The following PIK3CA variants were observed in gnomAD, a reference collection of about 807,000 sequenced individuals.
PIK3CA encodes phosphatidylinositol-4,5-bisphosphate 3-kinase catalytic subunit alpha, also known as phosphatidylinositol 4,5-bisphosphate 3-kinase catalytic subunit alpha isoform.
A neutral mutation model predicts 138.2 loss-of-function variants in PIK3CA; 27 were observed. That is an observed-to-expected ratio of 0.20 (90% CI 0.14 to 0.27). PIK3CA has a LOEUF of 0.27. PIK3CA is among the 10% of genes least tolerant of loss of function. The pLI, the probability that PIK3CA is intolerant of heterozygous loss-of-function variation, is 1.00. For synonymous variants in PIK3CA, 358 were observed against 413.2 expected, an observed-to-expected ratio of 0.87 and a Z score of 1.62; for missense variants, 544 against 1,277.4, an observed-to-expected ratio of 0.43 and a Z score of 8.75.
rs192514335 is a variant in PIK3CA, at chr3:179,239,388, C to G, written c.*5024C>G. On this transcript the variant is annotated 3_prime_UTR_variant, in exon 21 of 21. Coordinates refer to ENST00000263967, the MANE Select transcript of PIK3CA (RefSeq NM_006218.4). ...TGTTTCATATTAAAATATAATTAGA[C>G]TAAACTTAATTCTAGTATGAATTTC... 4.3e-4 allele frequency: 85 copies of G among 196,350 alleles called. 2 individuals are homozygous for G. In the Middle Eastern group the frequency reaches 5.4e-3, roughly 12 times the overall value. 12.2% of individuals were successfully genotyped at this position (196,350 alleles called of 1,614,324 possible).
intron 4 of PIK3CA, among the ~76,000 whole-genome samples, chr3:179,202,365 C>T (rs989624784): frequency 2.6e-5 from 4 of 152,206 alleles, no homozygotes; most frequent in South Asian, 4.1e-4. Context: ...CCATTGCGCC[C>T]AGCCTATTTC....
chr3:179,191,587 C>G (rs1326333792), intron 1 of PIK3CA, among the ~76,000 whole-genome samples: 1 of 152,126 alleles, frequency 6.6e-6, no homozygotes, highest in African/African-American at 2.4e-5. Context: ...CTTTTTAATG[C>G]AGGTACAATA....
intron 9 of PIK3CA, among the ~76,000 whole-genome samples, chr3:179,216,403 T>C (rs1266437119): frequency 2.6e-5 from 4 of 152,150 alleles, no homozygotes; most frequent in Non-Finnish European, 5.9e-5. Context: ...TTTTTTTAAA[T>C]TTTCTTGAAC....
At chr3:179,229,745 G>A (rs1417012096) in intron 18 of PIK3CA, among the ~76,000 whole-genome samples, 1 of 152,006 alleles carries the variant, frequency 6.6e-6, no homozygotes, top group Non-Finnish European at 1.5e-5. Context: ...TTGTTAAAAT[G>A]ATTAGAAAAA....
At chr3:179,165,920 TCA>T (rs2108358482) in intron 1 of PIK3CA, among the ~76,000 whole-genome samples, 1 of 152,314 alleles carries the variant, frequency 6.6e-6, no homozygotes, top group South Asian at 2.1e-4. Context: ...ATTCCCAGAC[TCA>T]CTCTCCTAGA....
Position 179,168,713 on chromosome 3 carries a change from G to T in PIK3CA, c.-77+20110G>T, listed in dbSNP as rs543011013. 1.5e-3 allele frequency among the ~76,000 whole-genome samples: 225 copies of T among 152,172 alleles called. 1 individual carries two copies. The highest frequency in any genetic ancestry group is 0.01 in the Middle Eastern group (3 of 294). On this transcript the variant is annotated intron_variant, in intron 1 of 20. Transcript: ENST00000263967. ...TTTTTTAAATTTTGCAAATATAGGT[G>T]AAATGTTATATCCTTATGATTTTAT...
At chr3:179,167,759 T>C (rs1723455893) in intron 1 of PIK3CA, among the ~76,000 whole-genome samples, 1 of 152,176 alleles carries the variant, frequency 6.6e-6, no homozygotes, top group Non-Finnish European at 1.5e-5. Flanking sequence ...TTCTTTGCAT[T>C]CAGATCATAT....
intron 1 of PIK3CA, among the ~76,000 whole-genome samples, chr3:179,186,035 C>T (rs1220699485): frequency 6.6e-6 from 1 of 152,270 alleles, no homozygotes; most frequent in South Asian, 2.1e-4. Context: ...ACTAAAAGCC[C>T]CAGTTCTTTA....
At chr3:179,192,960 A>G (rs1724171780) in intron 1 of PIK3CA, among the ~76,000 whole-genome samples, 1 of 152,250 alleles carries the variant, frequency 6.6e-6, no homozygotes, top group Non-Finnish European at 1.5e-5. Flanking sequence ...GAATTGCCCA[A>G]TGAATTAAGA....
At chr3:179,196,861 T>C (rs1479173512) in intron 1 of PIK3CA, among the ~76,000 whole-genome samples, 4 of 152,134 alleles carry the variant, frequency 2.6e-5, no homozygotes, top group South Asian at 2.1e-4. Context: ...ACAAGAAATA[T>C]TGATGGCCGG....
Position 179,235,780 on chromosome 3 carries a change from C to T in PIK3CA, c.*1416C>T. 1 of 212,948 alleles carries T rather than the reference C, an allele frequency of 4.7e-6. No homozygotes were observed. Among genetic ancestry groups the T allele is most frequent in the Non-Finnish European group, 9.5e-6 (1 of 105,130 alleles). The allele number at this position is 212,948 out of a possible 1,614,324, so 13.2% of individuals were successfully genotyped here. A position where few individuals can be genotyped will look rare whatever the true frequency, so the allele number is the denominator to read the frequency against. ...AACCATTTTAAGATATGTCTCATTC[C>T]CAAGTAGTCAGAGCTCACTCTCCAA... On this transcript the variant is annotated 3_prime_UTR_variant, in exon 21 of 21. Transcript: ENST00000263967.
chr3:179,220,994 T>C lies in PIK3CA; in HGVS notation c.2024T>C (p.Met675Thr), dbSNP rs1476951881. The C allele has an allele frequency of 6.2e-7, 1 of 1,610,150 alleles. No homozygotes were observed. The highest frequency in any genetic ancestry group is 1.7e-5 in the Admixed American group (1 of 59,706). The change falls in exon 14 of 21, where the codon ATG (methionine) becomes ACG (threonine). Residue 675 changes from methionine (M) to threonine (T), a missense_variant. Met to Thr is a moderately conservative substitution (Grantham distance 81). Coordinates refer to ENST00000263967, the MANE Select transcript of PIK3CA (RefSeq NM_006218.4). The surrounding 1 kb of genome is among the most constrained non-coding windows in gnomAD (Gnocchi z 4.1). ...HFFFWHLKSE[M>T]HNKTVSQRFG... ...TTGCACGATTCTTTTAGATCTGAGA[T>C]GCACAATAAAACAGTTAGCCAGAGG...
Position 179,235,113 on chromosome 3 carries a change from C to G in PIK3CA, c.*749C>G, listed in dbSNP as rs1448395981. ...TTATTTCCCAGGGAAATTCTGGGCT[C>G]CCACAAAGTAAAAAAAAAAAAAAAT... On this transcript the variant is annotated 3_prime_UTR_variant, in exon 21 of 21. Transcript: ENST00000263967. 1 of 186,398 alleles carries G rather than the reference C, an allele frequency of 5.4e-6. No individual in the cohort carries two copies. The highest frequency in any genetic ancestry group is 2.4e-5 in the African/African-American group (1 of 41,256). The allele number at this position is 186,398 out of a possible 1,614,324, so 11.5% of individuals were successfully genotyped here. A position where few individuals can be genotyped will look rare whatever the true frequency, so the allele number is the denominator to read the frequency against.
chr3:179,198,824 C>T lies in PIK3CA; in HGVS notation c.-2C>T, dbSNP rs201907009. The T allele has an allele frequency of 2.7e-6, 4 of 1,504,408 alleles. No homozygotes were observed. Among genetic ancestry groups the T allele is most frequent in the Non-Finnish European group, 3.6e-6 (4 of 1,121,410 alleles). 93.2% of individuals were successfully genotyped at this position (1,504,408 alleles called of 1,614,324 possible). A position where few individuals can be genotyped will look rare whatever the true frequency, so the allele number is the denominator to read the frequency against. On this transcript the variant is annotated 5_prime_UTR_variant, in exon 2 of 21. Coordinates refer to ENST00000263967, the MANE Select transcript of PIK3CA (RefSeq NM_006218.4). ...ATGTAAAACTTGCAAAGAATCAGAA[C>T]AATGCCTCCACGACCATCATCAGGT... is the stretch of plus-strand genomic sequence containing the variant.
At chr3:179,165,224 A>G (rs1279351295) in intron 1 of PIK3CA, among the ~76,000 whole-genome samples, 1 of 152,160 alleles carries the variant, frequency 6.6e-6, no homozygotes, top group African/African-American at 2.4e-5. Flanking sequence ...AATCACCCTA[A>G]AATACAAAAT....
chr3:179,218,356 C>A, intron 10 of PIK3CA, 22 bp downstream of exon 10: 1 of 1,582,730 alleles, frequency 6.3e-7, no homozygotes, highest in Non-Finnish European at 8.6e-7. Flanking sequence ...AATGGAGATT[C>A]TCTGTTTCTT....
intron 1 of PIK3CA, among the ~76,000 whole-genome samples, chr3:179,173,062 C>T (rs1429197695): frequency 6.6e-6 from 1 of 151,802 alleles, no homozygotes; most frequent in African/African-American, 2.4e-5. Flanking sequence ...TTGGTATATC[C>T]TATAGATCTT....
In PIK3CA at chr3:179,185,854, C is replaced by A. The variant is rs571542920; in HGVS notation, c.-76-12896C>A. On this transcript the variant is annotated intron_variant, in intron 1 of 20. Coordinates refer to ENST00000263967, the MANE Select transcript of PIK3CA (RefSeq NM_006218.4). ...CTGTGGACACACCACCTTCCAGGAA[C>A]CTCCACTTGTTCAGCTATCCAGAAG... 7.9e-5 allele frequency among the ~76,000 whole-genome samples: 12 copies of A among 152,314 alleles called. No individual in the cohort carries two copies. The South Asian group carries it at 2.3e-3, about 29-fold the overall frequency.
rs143222511 is a variant in PIK3CA at position 179,200,639 on chromosome 3, CTT to C, written c.563-648_563-647del. Reference sequence around the variant, plus strand: ...CTATTCTAGCATATATTTTAATGCTCTTTTCATTTTCCCGAACATTCTTTGTG... The same window carrying C: ...CTATTCTAGCATATATTTTAATGCTCTTCATTTTCCCGAACATTCTTTGTG... On this transcript the variant is annotated intron_variant, in intron 3 of 20. Coordinates refer to ENST00000263967, the MANE Select transcript of PIK3CA (RefSeq NM_006218.4). Among the ~76,000 whole-genome samples, 827 of 152,246 alleles carry C rather than the reference CTT, an allele frequency of 5.4e-3. 9 individuals are homozygous for C. The highest frequency in any genetic ancestry group is 0.019 in the African/African-American group (778 of 41,548).
Sources: gnomAD v4.1 joint callset for allele counts (sites outside exome capture counted in the v4.1 genomes callset) on GRCh38, gnomAD v4.1.1 for gene constraint, Gnocchi (gnomAD v3.1) non-coding constraint, MANE v1.5 for transcripts, NCBI Gene and HGNC (gene_info 2026-07-23, HGNC 2026-07-21) for gene names.